The following SLF1 variants were observed in gnomAD, a reference collection of about 807,000 sequenced individuals.
SLF1 encodes the protein SMC5-SMC6 complex localization factor protein 1.
SLF1 carries 105 observed loss-of-function variants against 123.0 expected under a neutral mutation model. The ratio of observed to expected loss-of-function variants is 0.85; its 90% CI spans 0.73 to 1.00. SLF1 has a LOEUF of 1.00. Ranked by LOEUF, SLF1 falls within the 50% of genes least tolerant of loss-of-function variation. SLF1 has a pLI of 0.00. For missense variants in SLF1, 1,239 were observed against 1,223.0 expected (o/e 1.01, Z -0.20); for synonymous variants, 434 against 406.6 (o/e 1.07, Z -0.81).
intron 4 of SLF1, among the ~76,000 whole-genome samples, chr5:94,638,528 C>G (rs916443235): frequency 1.3e-5 from 2 of 152,192 alleles, no homozygotes; most frequent in Admixed American, 6.5e-5. Context: ...TGCCATTACC[C>G]CTTGTCCTCC....
intron 14 of SLF1, among the ~76,000 whole-genome samples, chr5:94,676,385 C>G (rs1445673271): frequency 6.6e-6 from 1 of 152,038 alleles, no homozygotes; most frequent in Admixed American, 6.6e-5. Flanking sequence ...CCGATCACAC[C>G]AGGGGAGGTG....
chr5:94,628,758 C>T (rs2152466176), intron 1 of SLF1, 53 bp from the exon 2 acceptor site: 5 of 1,186,828 alleles, frequency 4.2e-6, no homozygotes, highest in African/African-American at 3.1e-5. Context: ...AATGTCAACC[C>T]TGTGAATAAT....
chr5:94,622,702 G>A lies in SLF1; in HGVS notation c.-1+3937G>A, dbSNP rs976232947. On this transcript the variant is annotated intron_variant, in intron 1 of 20. Transcript: ENST00000265140. ...AAGTCTGTAAAGGTTATTTTGGGGG[G>A]AAAACTTTAGTTCTTAAATATAAAT... Among the ~76,000 whole-genome samples the A allele has an allele frequency of 4.6e-5, 7 of 152,084 alleles. No homozygotes were observed. In the East Asian group the frequency reaches 9.6e-4, roughly 21 times the overall value.
At chr5:94,664,149 A>T (rs1749470264) in intron 11 of SLF1, among the ~76,000 whole-genome samples, 2 of 152,208 alleles carry the variant, frequency 1.3e-5, no homozygotes, top group Non-Finnish European at 2.9e-5. Context: ...GTTTTGGGGA[A>T]AAAGGTTATC....
At chr5:94,656,358 C>G (rs1313284296) in intron 9 of SLF1, among the ~76,000 whole-genome samples, 1 of 151,596 alleles carries the variant, frequency 6.6e-6, no homozygotes, top group African/African-American at 2.4e-5. Flanking sequence ...TCATAGTGTA[C>G]TGACTCTTTG....
At chr5:94,687,524 C>T (rs1346509111) in intron 16 of SLF1, among the ~76,000 whole-genome samples, 1 of 152,044 alleles carries the variant, frequency 6.6e-6, no homozygotes, top group Admixed American at 6.6e-5. Flanking sequence ...TAGCAATACT[C>T]TGTCTCTAAA....
chr5:94,663,286 A>G (rs2152486440), intron 10 of SLF1, among the ~76,000 whole-genome samples: 1 of 152,354 alleles, frequency 6.6e-6, no homozygotes, highest in Non-Finnish European at 1.5e-5. Flanking sequence ...TCCTCTTTGA[A>G]CTACATAGTC....
In SLF1 at chr5:94,688,584, C is replaced by G. The variant is rs765981193; in HGVS notation, c.2200C>G (p.Gln734Glu). 3.7e-6 allele frequency: 6 copies of G among 1,614,046 alleles called. No homozygotes were observed. The East Asian group carries it at 1.3e-4, about 36-fold the overall frequency. ...GATTCAGGTGTCAAAGAAAATAGGA[C>G]AGCGGCCTTGTTTTGACTCTCAGAG... ...GKIQVSKKIG[Q>E]RPCFDSQRTL... is the part of the protein sequence containing the mutation. Residue 734 changes from glutamine (Q) to glutamate (E), a missense_variant, in exon 17 of 21, where the codon CAG (glutamine) becomes GAG (glutamate). Coordinates refer to ENST00000265140, the MANE Select transcript of SLF1 (RefSeq NM_032290.4).
Position 94,629,087 on chromosome 5 carries a change from TC to T in SLF1, c.115-3del. ...ACATTTCTTGATGTGGATTTTTCCC[TC>T]CAGAAATACAAAAATTGTACACATC... On this transcript the variant is annotated splice_polypyrimidine_tract_variant and splice_region_variant and intron_variant, in intron 2 of 20. Transcript: ENST00000265140. 6.5e-7 allele frequency: 1 copy of T among 1,534,036 alleles called. No homozygotes were observed. Among genetic ancestry groups the T allele is most frequent in the South Asian group, 1.2e-5 (1 of 80,086 alleles).
At chr5:94,642,788 T>TA (rs1209355235) in intron 4 of SLF1, among the ~76,000 whole-genome samples, 2 of 152,180 alleles carry the variant, frequency 1.3e-5, no homozygotes, top group Non-Finnish European at 2.9e-5. Context: ...TTTTATTTTG[T>TA]AAAATGTATT....
At chr5:94,620,376 G>A (rs78848016) in intron 1 of SLF1, among the ~76,000 whole-genome samples, 7 of 152,258 alleles carry the variant, frequency 4.6e-5, no homozygotes, top group Non-Finnish European at 5.9e-5. Flanking sequence ...AGCATAAAGC[G>A]TGGATCACGT....
chr5:94,626,649 T>C (rs1276660728), intron 1 of SLF1, among the ~76,000 whole-genome samples: 1 of 152,188 alleles, frequency 6.6e-6, no homozygotes, highest in Non-Finnish European at 1.5e-5. Flanking sequence ...TTTTGGTTTG[T>C]TTTTTCTGCA....
At chr5:94,635,218 T>C (rs1036089309) in intron 4 of SLF1, among the ~76,000 whole-genome samples, 3 of 152,128 alleles carry the variant, frequency 2.0e-5, no homozygotes, top group African/African-American at 4.8e-5. Flanking sequence ...CTCATAGGAG[T>C]GTAGCTAGTC....
At chr5:94,628,672 T>TA in intron 1 of SLF1, 139 bp from the exon 2 acceptor site, 1 of 492,582 alleles carries the variant, frequency 2.0e-6, no homozygotes, top group Non-Finnish European at 3.5e-6. Context: ...AATATTGTTT[T>TA]AACAGCTGTG....
chr5:94,670,064 C>T (rs1750269995), intron 12 of SLF1, 87 bp from the exon 13 acceptor site: 3 of 1,232,794 alleles, frequency 2.4e-6, no homozygotes, highest in Non-Finnish European at 3.2e-6. Context: ...AAAATTCCAG[C>T]AGTATTCTAG....
At chr5:94,649,306 G>A (rs937483097) in intron 5 of SLF1, 148 bp from the exon 6 acceptor site, 17 of 543,718 alleles carry the variant, frequency 3.1e-5, no homozygotes, top group Non-Finnish European at 4.7e-5. Flanking sequence ...ATTTTTATCA[G>A]TGTTTAACAT....
chr5:94,642,944 G>C (rs183433556), intron 4 of SLF1, among the ~76,000 whole-genome samples: 1 of 152,132 alleles, frequency 6.6e-6, no homozygotes, highest in East Asian at 1.9e-4. Context: ...TTTGAGGATA[G>C]CCGCTTCCTT....
chr5:94,661,984 C>A (rs977911025), intron 9 of SLF1, among the ~76,000 whole-genome samples: 1 of 152,080 alleles, frequency 6.6e-6, no homozygotes, highest in African/African-American at 2.4e-5. Flanking sequence ...CTGTGTACCC[C>A]TGTACAAAAT....
intron 3 of SLF1, among the ~76,000 whole-genome samples, chr5:94,630,262 A>G (rs986244514): frequency 6.6e-6 from 1 of 152,212 alleles, no homozygotes; most frequent in East Asian, 1.9e-4. Context: ...AGTTATAGCT[A>G]TGGAATTATA....
Sources: allele counts gnomAD v4.1 joint callset (sites outside exome capture counted in the v4.1 genomes callset), GRCh38; gene constraint gnomAD v4.1.1; transcripts MANE v1.5; gene names NCBI Gene and HGNC (gene_info 2026-07-23, HGNC 2026-07-21).